Variants in FRMD4B observed in about 807,000 individuals in gnomAD.
FRMD4B encodes FERM domain containing 4B.
In FRMD4B, 74 loss-of-function variants were observed where a neutral mutation model predicts 141.5. That is an observed-to-expected ratio of 0.52 (90% CI 0.43 to 0.63). FRMD4B has a LOEUF of 0.63. FRMD4B is among the 30% of genes least tolerant of loss of function. The probability of loss-of-function intolerance (pLI) is 0.00; values close to 1 mark genes in which losing one functional copy is unlikely to be tolerated. For missense variants in FRMD4B, 1,366 were observed against 1,253.4 expected, an observed-to-expected ratio of 1.09 and a Z score of -1.36; for synonymous variants, 506 against 467.9, an observed-to-expected ratio of 1.08 and a Z score of -1.05.
intron 17 of FRMD4B, among the ~76,000 whole-genome samples, chr3:69,192,666 C>T (rs1307082727): frequency 1.3e-5 from 2 of 152,130 alleles, no homozygotes; most frequent in Non-Finnish European, 2.9e-5. Context: ...AATTTCACAA[C>T]TGTTAGTATT....
intron 5 of FRMD4B, among the ~76,000 whole-genome samples, chr3:69,252,298 C>T (rs1011082252): frequency 6.6e-6 from 1 of 152,222 alleles, no homozygotes; most frequent in African/African-American, 2.4e-5. Flanking sequence ...CAGGCTCAGA[C>T]AGCTCCAGAA....
intron 1 of FRMD4B, among the ~76,000 whole-genome samples, chr3:69,535,481 T>C (rs1454814318): frequency 1.3e-5 from 2 of 152,250 alleles, no homozygotes. Context: ...TCTACTATTA[T>C]TTGTTGAGCC....
At chr3:69,428,456 C>T (rs565730075) in intron 2 of FRMD4B, among the ~76,000 whole-genome samples, 6 of 150,788 alleles carry the variant, frequency 4.0e-5, no homozygotes, top group African/African-American at 9.7e-5. Flanking sequence ...TAATTTGTTG[C>T]TTCTTAATTT....
At chr3:69,317,960 G>A (rs977114004) in intron 1 of FRMD4B, among the ~76,000 whole-genome samples, 3 of 151,916 alleles carry the variant, frequency 2.0e-5, no homozygotes, top group East Asian at 3.9e-4. Flanking sequence ...CTTAAGCTAA[G>A]AGGGAGGATT....
At chr3:69,442,675 T>C (rs964519638) in intron 1 of FRMD4B, among the ~76,000 whole-genome samples, 4 of 152,318 alleles carry the variant, frequency 2.6e-5, no homozygotes, top group Admixed American at 2.0e-4. Flanking sequence ...GAGCCATACG[T>C]GCACCCACTG....
chr3:69,291,910 CTT>C (rs35703345), intron 4 of FRMD4B, among the ~76,000 whole-genome samples: 49,144 of 105,420 alleles, frequency 0.47, 10,187 homozygotes, highest in Non-Finnish European at 0.5. Flanking sequence ...ACAGGAATCT[CTT>C]TTTTTTTTTT....
chr3:69,433,026 C>T (rs796696406), intron 1 of FRMD4B: 2 of 152,208 alleles, frequency 1.3e-5, no homozygotes, highest in African/African-American at 4.8e-5. Flanking sequence ...CTGAATACAC[C>T]GTTTTAGACT....
intron 1 of FRMD4B, among the ~76,000 whole-genome samples, chr3:69,474,300 C>T (rs1046717668): frequency 6.6e-6 from 1 of 152,156 alleles, no homozygotes; most frequent in South Asian, 2.1e-4. Context: ...CAATACAATT[C>T]TGGTAGAGTA....
At chr3:69,466,690 C>A (rs1705793098) in intron 1 of FRMD4B, among the ~76,000 whole-genome samples, 2 of 152,030 alleles carry the variant, frequency 1.3e-5, no homozygotes, top group Admixed American at 1.3e-4. Flanking sequence ...AACAGAAAAG[C>A]AAAACCTTTT....
intron 1 of FRMD4B, chr3:69,536,818 C>G: frequency 2.6e-6 from 1 of 388,192 alleles, no homozygotes; most frequent in South Asian, 2.4e-5. Flanking sequence ...ACTATCACGG[C>G]TCACTGCAGC....
chr3:69,322,044 C>T (rs1033001039), intron 1 of FRMD4B, among the ~76,000 whole-genome samples: 2 of 152,090 alleles, frequency 1.3e-5, no homozygotes, highest in African/African-American at 4.8e-5. Flanking sequence ...CAATCCAAAG[C>T]GAGGATTTTC....
intron 7 of FRMD4B, among the ~76,000 whole-genome samples, chr3:69,238,220 C>T (rs1296971217): frequency 6.6e-6 from 1 of 152,178 alleles, no homozygotes; most frequent in Non-Finnish European, 1.5e-5. Context: ...AGCTAGTACA[C>T]AGGCAGCCAG....
intron 2 of FRMD4B, among the ~76,000 whole-genome samples, chr3:69,392,072 G>A (rs914347302): frequency 3.3e-5 from 5 of 152,268 alleles, no homozygotes; most frequent in East Asian, 3.9e-4. Flanking sequence ...TTGTCTTAAC[G>A]GTGAATACAG....
chr3:69,304,532 T>C (rs1701331186), intron 3 of FRMD4B, among the ~76,000 whole-genome samples: 1 of 149,402 alleles, frequency 6.7e-6, no homozygotes, highest in Non-Finnish European at 1.5e-5. Flanking sequence ...ACTCTCTGAG[T>C]GCCACTTCTG....
At chr3:69,402,157 T>C (rs1704573737) in intron 2 of FRMD4B, among the ~76,000 whole-genome samples, 1 of 152,146 alleles carries the variant, frequency 6.6e-6, no homozygotes, top group African/African-American at 2.4e-5. Context: ...AGGGCAGGTA[T>C]GGTAATCCCA....
intron 7 of FRMD4B, among the ~76,000 whole-genome samples, chr3:69,244,036 T>C (rs1239610808): frequency 2.0e-5 from 3 of 151,630 alleles, no homozygotes; most frequent in Non-Finnish European, 4.4e-5. Flanking sequence ...CAGAGTGAGA[T>C]TCCATCTCAA....
chr3:69,325,982 G>GTC (rs72335731), intron 1 of FRMD4B, among the ~76,000 whole-genome samples: 44,826 of 151,644 alleles, frequency 0.3, 6,961 homozygotes, highest in African/African-American at 0.38. Flanking sequence ...TTGAGACAAG[G>GTC]TCTCTCTCTC....
chr3:69,282,919 G>A (rs1474180726), intron 5 of FRMD4B, among the ~76,000 whole-genome samples: 10 of 151,996 alleles, frequency 6.6e-5, no homozygotes, highest in Non-Finnish European at 7.4e-5. Flanking sequence ...TTACAGGTGT[G>A]AGCTACCACA....
Position 69,225,081 on chromosome 3 carries a change from T to A in FRMD4B, c.582-391A>T, listed in dbSNP as rs904617968. On this transcript the variant is annotated intron_variant, in intron 7 of 22. Transcript: ENST00000398540. ...ACTGGTTATCATGAAACCATTCACA[T>A]AACATCAACAATTTTTCGTAATAGA... is the stretch of plus-strand genomic sequence containing the variant. 2.8e-4 allele frequency among the ~76,000 whole-genome samples: 42 copies of A among 152,170 alleles called. 1 individual carries two copies. Among genetic ancestry groups the A allele is most frequent in the African/African-American group, 8.2e-4 (34 of 41,426 alleles).
Sources: allele counts gnomAD v4.1 joint callset (sites outside exome capture counted in the v4.1 genomes callset), GRCh38; gene constraint gnomAD v4.1.1; transcripts MANE v1.5; gene names NCBI Gene and HGNC (gene_info 2026-07-23, HGNC 2026-07-21).